The following NTNG1 variants were observed in gnomAD, a reference collection of about 807,000 sequenced individuals.
The protein encoded by NTNG1 is netrin G1.
Under a neutral mutation model 54.0 loss-of-function variants are expected in NTNG1, and 16 were observed. The ratio of observed to expected loss-of-function variants is 0.30; its 90% confidence interval spans 0.20 to 0.45. The LOEUF (loss-of-function observed/expected upper bound fraction) is 0.45. Ranked by LOEUF, NTNG1 falls within the 20% of genes least tolerant of loss-of-function variation. NTNG1 has a pLI of 1.00. For missense variants in NTNG1, 530 were observed against 678.7 expected (o/e 0.78, Z 2.43); for synonymous variants, 255 against 263.1 (o/e 0.97, Z 0.30).
intron 3 of NTNG1, among the ~76,000 whole-genome samples, chr1:107,350,420 G>GT (rs1669533501): frequency 6.6e-6 from 1 of 152,018 alleles, no homozygotes; most frequent in South Asian, 2.1e-4. Flanking sequence ...TGATGATTAT[G>GT]TTTTTGTGTT....
chr1:107,159,822 A>G (rs1018621577), intron 2 of NTNG1, among the ~76,000 whole-genome samples: 1 of 152,208 alleles, frequency 6.6e-6, no homozygotes, highest in Non-Finnish European at 1.5e-5. Flanking sequence ...GAAAATACAT[A>G]TTACGTGATG....
intron 2 of NTNG1, among the ~76,000 whole-genome samples, chr1:107,233,807 C>T (rs1003161632): frequency 3.9e-5 from 6 of 151,988 alleles, no homozygotes; most frequent in Admixed American, 6.5e-5. Flanking sequence ...CATTTTTTTG[C>T]TCCTTTTTAT....
At chr1:107,272,212 A>G (rs1383270265) in intron 2 of NTNG1, among the ~76,000 whole-genome samples, 3 of 152,154 alleles carry the variant, frequency 2.0e-5, no homozygotes, top group African/African-American at 4.8e-5. Flanking sequence ...AATATTACTA[A>G]TAATACTACT....
At chr1:107,330,977 C>A (rs565740834) in intron 3 of NTNG1, 1 of 151,992 alleles carries the variant, frequency 6.6e-6, no homozygotes, top group Non-Finnish European at 1.5e-5. Flanking sequence ...AAGTAATAAT[C>A]CTTTAAATTT....
Position 107,336,289 on chromosome 1 carries a change from A to G in NTNG1, c.887+11367A>G, listed in dbSNP as rs146812439. Among the ~76,000 whole-genome samples, 209 of 151,912 alleles carry G rather than the reference A, an allele frequency of 1.4e-3. 1 individual carries two copies. Among genetic ancestry groups the G allele is most frequent in the African/African-American group, 4.7e-3 (196 of 41,498 alleles). Reference sequence around the variant, plus strand: ...TACGAACCAAAGAAATAGAATAGACAGTCCCAAAATAAACCCTCACATGTA... The same window carrying G: ...TACGAACCAAAGAAATAGAATAGACGGTCCCAAAATAAACCCTCACATGTA... On this transcript the variant is annotated intron_variant, in intron 3 of 7. Coordinates refer to ENST00000370068, the MANE Select transcript of NTNG1 (RefSeq NM_001113226.3).
At chr1:107,325,617 T>C (rs1013839712) in intron 3 of NTNG1, among the ~76,000 whole-genome samples, 2 of 152,000 alleles carry the variant, frequency 1.3e-5, no homozygotes, top group African/African-American at 2.4e-5. Flanking sequence ...AGAGACAGAA[T>C]TGAGCAAATT....
intron 7 of NTNG1, among the ~76,000 whole-genome samples, chr1:107,469,906 C>A (rs1257049755): frequency 1.3e-5 from 2 of 151,984 alleles, no homozygotes; most frequent in Non-Finnish European, 2.9e-5. Context: ...CAACTTTGAT[C>A]CCCTCTACTA....
intron 3 of NTNG1, among the ~76,000 whole-genome samples, chr1:107,353,495 C>G (rs946676185): frequency 6.6e-6 from 1 of 152,130 alleles, no homozygotes; most frequent in Non-Finnish European, 1.5e-5. Flanking sequence ...TCAGCCTAGA[C>G]TTCATTGTCC....
At chr1:107,284,154 T>A (rs2101738177) in intron 2 of NTNG1, among the ~76,000 whole-genome samples, 1 of 152,290 alleles carries the variant, frequency 6.6e-6, no homozygotes, top group African/African-American at 2.4e-5. Context: ...ACCATCATAG[T>A]GGCTAACACG....
intron 2 of NTNG1, among the ~76,000 whole-genome samples, chr1:107,246,299 C>T (rs1662195850): frequency 6.6e-6 from 1 of 151,938 alleles, no homozygotes; most frequent in African/African-American, 2.4e-5. Context: ...ATGATGTGCC[C>T]ACCTCGGCCT....
intron 2 of NTNG1, among the ~76,000 whole-genome samples, chr1:107,168,724 A>C (rs1345196897): frequency 6.6e-6 from 1 of 152,154 alleles, no homozygotes; most frequent in East Asian, 1.9e-4. Flanking sequence ...CTCCAAACTC[A>C]GGACAGGCCC....
chr1:107,204,742 A>C (rs543311511), intron 2 of NTNG1, among the ~76,000 whole-genome samples: 1 of 152,272 alleles, frequency 6.6e-6, no homozygotes, highest in Admixed American at 6.5e-5. Flanking sequence ...TTAGCAACAG[A>C]CAACAGAAAT....
At chr1:107,425,749 T>A (rs1018807996) in intron 5 of NTNG1, among the ~76,000 whole-genome samples, 1 of 152,124 alleles carries the variant, frequency 6.6e-6, no homozygotes, top group Non-Finnish European at 1.5e-5. Context: ...CTTTGAGATA[T>A]CTCCATACTG....
intron 2 of NTNG1, among the ~76,000 whole-genome samples, chr1:107,231,158 A>T (rs765610006): frequency 2.6e-5 from 4 of 152,212 alleles, no homozygotes; most frequent in Non-Finnish European, 4.4e-5. Context: ...TGATTCATGT[A>T]AACTACCTGT....
At position 107,384,102 on chromosome 1, in the gene NTNG1, C is replaced by T. The variant is rs114367783; in HGVS notation, c.888-11052C>T. 8.6e-3 allele frequency among the ~76,000 whole-genome samples: 1,302 copies of T among 152,222 alleles called. 20 individuals carry two copies. The highest frequency in any genetic ancestry group is 0.03 in the African/African-American group (1,244 of 41,510). On this transcript the variant is annotated intron_variant, in intron 3 of 7. Transcript: ENST00000370068. ...TCCTCATGAGTTTAGCAAATGGTCA[C>T]GGAGCACCATCATATTCCTGCACCA... is the stretch of plus-strand genomic sequence containing the variant.
Position 107,368,394 on chromosome 1 carries a change from T to C in NTNG1, c.888-26760T>C, listed in dbSNP as rs183558008. ...TTTCTCATTTCACCTTGCATAATGA[T>C]CTTGTGTGGTAAGCACTGTTGCTTT... On this transcript the variant is annotated intron_variant, in intron 3 of 7. Transcript: ENST00000370068. Among the ~76,000 whole-genome samples, 635 of 152,126 alleles carry C rather than the reference T, an allele frequency of 4.2e-3. 2 individuals are homozygous for C. The highest frequency in any genetic ancestry group is 5.9e-3 in the Non-Finnish European group (401 of 67,994).
At chr1:107,359,320 G>T (rs190729944) in intron 3 of NTNG1, among the ~76,000 whole-genome samples, 2 of 152,280 alleles carry the variant, frequency 1.3e-5, no homozygotes, top group East Asian at 3.9e-4. Context: ...CATGGTCATT[G>T]ATTGCAGAGA....
At chr1:107,326,386 G>A (rs1482725809) in intron 3 of NTNG1, among the ~76,000 whole-genome samples, 3 of 151,996 alleles carry the variant, frequency 2.0e-5, no homozygotes, top group Non-Finnish European at 4.4e-5. Context: ...ACATGACAGG[G>A]CAATACAGGA....
At chr1:107,448,955 G>A (rs751107331) in intron 7 of NTNG1, among the ~76,000 whole-genome samples, 2 of 152,022 alleles carry the variant, frequency 1.3e-5, no homozygotes, top group African/African-American at 4.8e-5. Flanking sequence ...GAAATACAAA[G>A]TGAGCTCCAA....
Sources: allele counts gnomAD v4.1 joint callset (sites outside exome capture counted in the v4.1 genomes callset), GRCh38; gene constraint gnomAD v4.1.1; transcripts MANE v1.5; gene names NCBI Gene and HGNC (gene_info 2026-07-23, HGNC 2026-07-21).